GOLGA6L10: variants seen among roughly 807,000 people sequenced by gnomAD.
GOLGA6L10 encodes golgin subfamily A member 6-like protein 10.
A neutral mutation model predicts 56.9 loss-of-function variants in GOLGA6L10; 4 were observed. That is an observed-to-expected ratio of 0.07 (90% CI 0.03 to 0.16). GOLGA6L10 has a LOEUF of 0.16. Among genes scored for constraint, GOLGA6L10 ranks in the 10% least tolerant of loss-of-function variants. GOLGA6L10 has a pLI of 1.00. For missense variants in GOLGA6L10, 34 were observed against 558.3 expected (o/e 0.06, Z 9.46); for synonymous variants, 11 against 220.9 (o/e 0.05, Z 8.43).
At chr15:82,343,992 A>G (rs1328434087) in intron 7 of GOLGA6L10, among the ~76,000 whole-genome samples, 18 of 150,064 alleles carry the variant, frequency 1.2e-4, no homozygotes, top group Admixed American at 1.0e-3. Context: ...CTCTTATACC[A>G]CTGTCTCTTC....
chr15:82,346,198 C>A (rs2075685786), intron 4 of GOLGA6L10, among the ~76,000 whole-genome samples: 1 of 150,786 alleles, frequency 6.6e-6, no homozygotes, highest in African/African-American at 2.5e-5. Flanking sequence ...GAAACACGAG[C>A]ATAAAGAGGA....
rs1596063730 is a variant in GOLGA6L10, at chr15:82,340,321, G to A, written c.*2455C>T. On this transcript the variant is annotated 3_prime_UTR_variant, in exon 9 of 9. Coordinates refer to ENST00000610657, the MANE Select transcript of GOLGA6L10 (RefSeq NM_001164465.3). ...AATAGTTATTTGAAAGTGACTGTAA[G>A]ATAAAGTTTTAGAGAATCTATTTTG... The A allele has an allele frequency of 2.6e-5, 4 of 151,268 alleles. No individual in the cohort carries two copies. Among genetic ancestry groups the A allele is most frequent in the African/African-American group, 9.7e-5 (4 of 41,320 alleles). The allele number at this position is 151,268 out of a possible 1,614,324, so 9.4% of individuals were successfully genotyped here. A position where few individuals can be genotyped will look rare whatever the true frequency, so the allele number is the denominator to read the frequency against.
intron 2 of GOLGA6L10, chr15:82,347,281 A>C: frequency 7.3e-7 from 1 of 1,374,878 alleles, no homozygotes; most frequent in Non-Finnish European, 9.5e-7. Flanking sequence ...GGAAGTCAAA[A>C]AATACCACCT....
rs1555439537 is a variant in GOLGA6L10 at position 82,347,570 on chromosome 15, C to G, written c.144G>C (p.Lys48Asn). 1 of 1,610,696 alleles carries G rather than the reference C, an allele frequency of 6.2e-7. No homozygotes were observed. Among genetic ancestry groups the G allele is most frequent in the South Asian group, 1.1e-5 (1 of 91,054 alleles). Residue 48 changes from lysine to asparagine, a missense_variant, in exon 2 of 9, where the codon AAG becomes AAC. By Grantham distance (94) the Lys-to-Asn change is moderately conservative. Transcript: ENST00000610657. ...PGIPAGANRK[K>N]KVNGSSPDTA... Reference sequence around the variant, plus strand: ...TGTCAGGGCTACTGCCATTGACTTTCTTTTTCCTGTTAGCTCCTGCTGGAA... The same window carrying G: ...TGTCAGGGCTACTGCCATTGACTTTGTTTTTCCTGTTAGCTCCTGCTGGAA...
At chr15:82,345,473 A>G in intron 5 of GOLGA6L10, 47 bp from the exon 6 acceptor site, 2 of 1,567,374 alleles carry the variant, frequency 1.3e-6, no homozygotes, top group Non-Finnish European at 1.7e-6. Flanking sequence ...CTCAAAAAAA[A>G]AAAAAAAATC....
chr15:82,340,486 G>T lies in GOLGA6L10; in HGVS notation c.*2290C>A, dbSNP rs1485028736. 1 of 151,178 alleles carries T rather than the reference G, an allele frequency of 6.6e-6. No homozygotes were observed. The highest frequency in any genetic ancestry group is 2.4e-5 in the African/African-American group (1 of 41,404). The allele number at this position is 151,178 out of a possible 1,614,324, so 9.4% of individuals were successfully genotyped here. A position where few individuals can be genotyped will look rare whatever the true frequency, so the allele number is the denominator to read the frequency against. On this transcript the variant is annotated 3_prime_UTR_variant, in exon 9 of 9. Transcript: ENST00000610657. ...ATCATATATTGCAGTCTTTAAATAG[G>T]TATTTTGATTCTTTACTTCCTACAG...
intron 1 of GOLGA6L10, among the ~76,000 whole-genome samples, chr15:82,348,319 A>C (rs2141431350): frequency 6.9e-6 from 1 of 145,726 alleles, no homozygotes; most frequent in Non-Finnish European, 1.5e-5. Context: ...TCTATTCCAC[A>C]GAAGATGAGC....
intron 4 of GOLGA6L10, 116 bp from the exon 5 acceptor site, chr15:82,346,012 T>G (rs1372295237): frequency 3.0e-6 from 2 of 675,244 alleles, no homozygotes; most frequent in Non-Finnish European, 5.2e-6. Context: ...GAAACGTGCA[T>G]TCATTCAACA....
intron 7 of GOLGA6L10, among the ~76,000 whole-genome samples, chr15:82,343,925 C>T (rs1460505887): frequency 6.8e-6 from 1 of 146,856 alleles, no homozygotes; most frequent in East Asian, 2.0e-4. Flanking sequence ...TGTCCTGCCT[C>T]AGCCTCCCAA....
Position 82,342,749 on chromosome 15 carries a change from T to G in GOLGA6L10, c.*27A>C, listed in dbSNP as rs772785102. On this transcript the variant is annotated 3_prime_UTR_variant, in exon 9 of 9. Coordinates refer to ENST00000610657, the MANE Select transcript of GOLGA6L10 (RefSeq NM_001164465.3). ...ATTAACCCCTTAAATGTTTTGTTTT[T>G]TTTTTTTTCAATTTCTTGACCCGCT... 1.9e-4 allele frequency: 304 copies of G among 1,599,338 alleles called. No individual in the cohort carries two copies. The highest frequency in any genetic ancestry group is 1.1e-3 in the Middle Eastern group (5 of 4,474).
intron 4 of GOLGA6L10, 82 bp from the exon 5 acceptor site, chr15:82,345,978 C>A (rs2075684110): frequency 3.2e-6 from 3 of 939,262 alleles, no homozygotes; most frequent in Admixed American, 2.1e-5. Flanking sequence ...AAGGCCCACC[C>A]CCCTTCTGCC....
rs1413118188 is a variant in GOLGA6L10 at position 82,340,369 on chromosome 15, A to T, written c.*2407T>A. 1 of 151,504 alleles carries T rather than the reference A, an allele frequency of 6.6e-6. No homozygotes were observed. Among genetic ancestry groups the T allele is most frequent in the Non-Finnish European group, 1.5e-5 (1 of 67,828 alleles). The allele number at this position is 151,504 out of a possible 1,614,324, so 9.4% of individuals were successfully genotyped here. A position where few individuals can be genotyped will look rare whatever the true frequency, so the allele number is the denominator to read the frequency against. ...TTGGATAGGGTTGATTTACATTTTC[A>T]CATTTTCTAAAAATCAGCTTTGGTT... On this transcript the variant is annotated 3_prime_UTR_variant, in exon 9 of 9. Transcript: ENST00000610657.
chr15:82,347,902 A>G (rs2075697330), intron 1 of GOLGA6L10, among the ~76,000 whole-genome samples: 1 of 152,390 alleles, frequency 6.6e-6, no homozygotes, highest in Admixed American at 6.5e-5. Context: ...GCTTCCAGGG[A>G]CCAAAACCAG....
At chr15:82,343,783 C>A (rs1263115578) in intron 7 of GOLGA6L10, among the ~76,000 whole-genome samples, 2 of 151,922 alleles carry the variant, frequency 1.3e-5, no homozygotes, top group African/African-American at 4.9e-5. Flanking sequence ...CGTGTCTCAG[C>A]CTCCTGAGTA....
chr15:82,346,156 A>G (rs1159843575), intron 4 of GOLGA6L10, among the ~76,000 whole-genome samples: 4 of 151,566 alleles, frequency 2.6e-5, no homozygotes, highest in Admixed American at 2.6e-4. Flanking sequence ...TTCAGAGCTA[A>G]CCAAGACCTT....
At position 82,340,284 on chromosome 15, in the gene GOLGA6L10, G is replaced by A. The variant is rs1429043241; in HGVS notation, c.*2492C>T. On this transcript the variant is annotated 3_prime_UTR_variant, in exon 9 of 9. Coordinates refer to ENST00000610657, the MANE Select transcript of GOLGA6L10 (RefSeq NM_001164465.3). Reference sequence around the variant, plus strand: ...ATTATTTTAAGACATTAATTTAACAGTTACATTTTTGAATAGTTATTTGAA... The same window carrying A: ...ATTATTTTAAGACATTAATTTAACAATTACATTTTTGAATAGTTATTTGAA... 2 of 151,182 alleles carry A rather than the reference G, an allele frequency of 1.3e-5. No homozygotes were observed. Among genetic ancestry groups the A allele is most frequent in the Non-Finnish European group, 3.0e-5 (2 of 67,766 alleles). The allele number at this position is 151,182 out of a possible 1,614,324, so 9.4% of individuals were successfully genotyped here. A position where few individuals can be genotyped will look rare whatever the true frequency, so the allele number is the denominator to read the frequency against.
At position 82,344,967 on chromosome 15, in the gene GOLGA6L10, C is replaced by CTCTCCTCCTGTTCACGTAGCT; in HGVS notation, c.892_893insAGCTACGTGAACAGGAGGAGA (p.Glu297_Arg298insLysLeuArgGluGlnGluGlu). The CTCTCCTCCTGTTCACGTAGCT allele has an allele frequency of 1.1e-6, 1 of 918,118 alleles. No homozygotes were observed. The highest frequency in any genetic ancestry group is 1.8e-5 in the South Asian group (1 of 54,338). The allele number at this position is 918,118 out of a possible 1,614,324, so 56.9% of individuals were successfully genotyped here. A position where few individuals can be genotyped will look rare whatever the true frequency, so the allele number is the denominator to read the frequency against. On this transcript the variant is annotated inframe_insertion, in exon 6 of 9. Coordinates refer to ENST00000610657, the MANE Select transcript of GOLGA6L10 (RefSeq NM_001164465.3). ...TAGCCTCTCCTCCTGTTCACGTAGC[C>CTCTCCTCCTGTTCACGTAGCT]TCTCCTCCTGTTCACACAGCCTCTC... is the stretch of plus-strand genomic sequence containing the variant.
chr15:82,340,762 G>A lies in GOLGA6L10; in HGVS notation c.*2014C>T, dbSNP rs1384329500. 1.3e-5 allele frequency: 2 copies of A among 149,968 alleles called. No homozygotes were observed. The highest frequency in any genetic ancestry group is 4.9e-5 in the African/African-American group (2 of 40,962). 9.3% of individuals were successfully genotyped at this position (149,968 alleles called of 1,614,324 possible). A position where few individuals can be genotyped will look rare whatever the true frequency, so the allele number is the denominator to read the frequency against. On this transcript the variant is annotated 3_prime_UTR_variant, in exon 9 of 9. Coordinates refer to ENST00000610657, the MANE Select transcript of GOLGA6L10 (RefSeq NM_001164465.3). ...ATATGACAAAATACCTACACAGAGA[G>A]TGGTATTTGAGTTAATATAGTACAT...
intron 1 of GOLGA6L10, among the ~76,000 whole-genome samples, chr15:82,348,256 C>T (rs1596068755): frequency 6.6e-6 from 1 of 150,688 alleles, no homozygotes; most frequent in African/African-American, 2.4e-5. Context: ...CAAAGTACCC[C>T]AGGTTGAGAC....
Sources: gnomAD v4.1 joint callset for allele counts (sites outside exome capture counted in the v4.1 genomes callset) on GRCh38, gnomAD v4.1.1 for gene constraint, MANE v1.5 for transcripts, NCBI Gene and HGNC (gene_info 2026-07-23, HGNC 2026-07-21) for gene names.